ENOX1: variants seen among roughly 807,000 people sequenced by gnomAD.
ENOX1 encodes the protein candidate growth-related and time keeping constitutive hydroquinone (NADH) oxidase.
In ENOX1, 42 loss-of-function variants were observed where a neutral mutation model predicts 82.5. That is an observed-to-expected ratio of 0.51 (90% CI 0.40 to 0.66). The LOEUF (loss-of-function observed/expected upper bound fraction) is 0.66. Ranked by LOEUF, ENOX1 falls within the 30% of genes least tolerant of loss-of-function variation. ENOX1 has a pLI of 0.00. For missense variants in ENOX1, 608 were observed against 811.6 expected, an observed-to-expected ratio of 0.75 and a Z score of 3.05; for synonymous variants, 271 against 282.2, an observed-to-expected ratio of 0.96 and a Z score of 0.40.
chr13:43,505,308 G>A (rs2077114843), intron 2 of ENOX1, among the ~76,000 whole-genome samples: 1 of 151,932 alleles, frequency 6.6e-6, no homozygotes, highest in South Asian at 2.1e-4. Context: ...GACTGAGAAA[G>A]CTACAGCCTA....
rs117898486 is a variant in ENOX1 at position 43,578,482 on chromosome 13, C to T, written c.-219+88997G>A. Among the ~76,000 whole-genome samples the T allele has an allele frequency of 7.1e-3, 1,081 of 152,230 alleles. 14 individuals are homozygous for T. The highest frequency in any genetic ancestry group is 0.012 in the Non-Finnish European group (783 of 68,014). ...ATGCTAATAATTCATACTTAATATA[C>T]TTAATGACAAAATTTACCTAATACT... On this transcript the variant is annotated intron_variant, in intron 2 of 16. Transcript: ENST00000690772.
chr13:43,692,735 G>A (rs2086429752), intron 1 of ENOX1, among the ~76,000 whole-genome samples: 1 of 152,024 alleles, frequency 6.6e-6, no homozygotes, highest in African/African-American at 2.4e-5. Context: ...TACATGTTTT[G>A]TATAACAGAA....
intron 2 of ENOX1, among the ~76,000 whole-genome samples, chr13:43,663,035 G>C (rs1234937490): frequency 2.0e-5 from 3 of 152,184 alleles, no homozygotes; most frequent in African/African-American, 7.2e-5. Context: ...AACCAATTCT[G>C]TGTGAAAAGC....
chr13:43,566,995 T>C (rs2079948356), intron 2 of ENOX1, among the ~76,000 whole-genome samples: 1 of 152,076 alleles, frequency 6.6e-6, no homozygotes, highest in South Asian at 2.1e-4. Flanking sequence ...CAATGAGCCC[T>C]CCCAGAGGAA....
intron 5 of ENOX1, among the ~76,000 whole-genome samples, chr13:43,409,260 A>G (rs966499465): frequency 2.6e-5 from 4 of 152,184 alleles, no homozygotes; most frequent in African/African-American, 9.6e-5. Flanking sequence ...GAATTAATTG[A>G]CCAGTACTTA....
At chr13:43,686,709 G>A (rs1261792528) in intron 1 of ENOX1, among the ~76,000 whole-genome samples, 1 of 152,196 alleles carries the variant, frequency 6.6e-6, no homozygotes, top group African/African-American at 2.4e-5. Flanking sequence ...CACAGAAACT[G>A]CGTTTTCCTC....
chr13:43,275,385 C>T (rs1383160989), intron 12 of ENOX1, among the ~76,000 whole-genome samples: 1 of 152,166 alleles, frequency 6.6e-6, no homozygotes, highest in Non-Finnish European at 1.5e-5. Flanking sequence ...ATATGAAATA[C>T]ATCAGCCACA....
At position 43,460,029 on chromosome 13, in the gene ENOX1, A is replaced by C. The variant is rs954191520; in HGVS notation, c.-75+23980T>G. 2.6e-5 allele frequency among the ~76,000 whole-genome samples: 4 copies of C among 152,104 alleles called. No individual in the cohort carries two copies. The East Asian group carries it at 7.7e-4, about 29-fold the overall frequency. ...CAACGACAACAACAACAAAAAACCA[A>C]AACCAAAAAATAACAACAAGAAAAA... On this transcript the variant is annotated intron_variant, in intron 3 of 16. Coordinates refer to ENST00000690772, the MANE Select transcript of ENOX1 (RefSeq NM_001347969.2).
intron 10 of ENOX1, among the ~76,000 whole-genome samples, chr13:43,324,618 G>T (rs916443530): frequency 1.3e-5 from 2 of 152,192 alleles, no homozygotes; most frequent in Non-Finnish European, 2.9e-5. Flanking sequence ...GTGGCCTAAT[G>T]TATATCAAAA....
At chr13:43,258,774 T>G (rs1294065571) in intron 14 of ENOX1, among the ~76,000 whole-genome samples, 1 of 151,932 alleles carries the variant, frequency 6.6e-6, no homozygotes, top group Non-Finnish European at 1.5e-5. Context: ...CCTACTAGAC[T>G]CTCCTCCCAA....
intron 2 of ENOX1, among the ~76,000 whole-genome samples, chr13:43,563,961 GGAGGAAGGAATACTTCCAAACT>G (rs1036683219): frequency 3.1e-4 from 47 of 151,432 alleles, no homozygotes; most frequent in South Asian, 4.2e-4. Context: ...GAAAAAAAAA[GGAGGAAGGAATACTTCCAAACT>G]GAGGAAGGAA....
At chr13:43,351,278 C>G (rs1427936569) in intron 8 of ENOX1, among the ~76,000 whole-genome samples, 2 of 152,160 alleles carry the variant, frequency 1.3e-5, no homozygotes, top group African/African-American at 4.8e-5. Context: ...CCTTCTACCC[C>G]CAAAACACAC....
At chr13:43,729,734 C>T (rs1433459846) in intron 1 of ENOX1, among the ~76,000 whole-genome samples, 2 of 152,198 alleles carry the variant, frequency 1.3e-5, no homozygotes, top group African/African-American at 4.8e-5. Context: ...GATGACAGAA[C>T]AATAGGCTGA....
intron 2 of ENOX1, among the ~76,000 whole-genome samples, chr13:43,514,501 T>A (rs1272409522): frequency 6.6e-6 from 1 of 152,112 alleles, no homozygotes; most frequent in Non-Finnish European, 1.5e-5. Flanking sequence ...GCTGGGAGTA[T>A]TATCTTAAAC....
intron 5 of ENOX1, among the ~76,000 whole-genome samples, chr13:43,361,840 C>G (rs1314989295): frequency 1.3e-5 from 2 of 152,052 alleles, no homozygotes; most frequent in African/African-American, 4.8e-5. Context: ...TTGAAGTGCT[C>G]TGTGAATCTA....
At chr13:43,258,765 C>A (rs1032224620) in intron 14 of ENOX1, among the ~76,000 whole-genome samples, 1 of 152,170 alleles carries the variant, frequency 6.6e-6, no homozygotes, top group Admixed American at 6.5e-5. Context: ...TGCCCCACTC[C>A]TACTAGACTC....
intron 14 of ENOX1, among the ~76,000 whole-genome samples, chr13:43,259,397 G>C (rs1270896900): frequency 2.0e-5 from 3 of 152,204 alleles, no homozygotes; most frequent in African/African-American, 7.2e-5. Flanking sequence ...TATGGAGCAG[G>C]ATGCAAGAGC....
intron 5 of ENOX1, among the ~76,000 whole-genome samples, chr13:43,377,970 A>G (rs2153572754): frequency 6.6e-6 from 1 of 152,314 alleles, no homozygotes; most frequent in Non-Finnish European, 1.5e-5. Flanking sequence ...AAGACCTATC[A>G]TTTGTTAAAT....
Position 43,308,803 on chromosome 13 carries a change from C to G in ENOX1, c.1262-10273G>C, listed in dbSNP as rs145948601. 3.2e-3 allele frequency among the ~76,000 whole-genome samples: 493 copies of G among 152,312 alleles called. 1 individual carries two copies. The highest frequency in any genetic ancestry group is 0.011 in the African/African-American group (468 of 41,562). On this transcript the variant is annotated intron_variant, in intron 11 of 16. Coordinates refer to ENST00000690772, the MANE Select transcript of ENOX1 (RefSeq NM_001347969.2). ...CACATTCACACCTTCTGCTCTACAC[C>G]AGCATCAACTCTCCACATTGCCACA...
Sources: allele counts gnomAD v4.1 joint callset (sites outside exome capture counted in the v4.1 genomes callset), GRCh38; gene constraint gnomAD v4.1.1; transcripts MANE v1.5; gene names NCBI Gene and HGNC (gene_info 2026-07-23, HGNC 2026-07-21).